Variants in ELMO1 observed in about 807,000 individuals in gnomAD.
ELMO1 encodes the protein engulfment and cell motility 1.
ELMO1 carries 26 observed loss-of-function variants against 98.9 expected under a neutral mutation model. The observed-to-expected ratio is 0.26, with a 90% CI of 0.19 to 0.36. The LOEUF (loss-of-function observed/expected upper bound fraction) is 0.36. Among genes scored for constraint, ELMO1 ranks in the 10% least tolerant of loss-of-function variants. The pLI is 1.00. For synonymous variants in ELMO1, 346 were observed against 346.0 expected, an observed-to-expected ratio of 1.00 and a Z score of 0.00; for missense variants, 627 against 935.2, an observed-to-expected ratio of 0.67 and a Z score of 4.30.
chr7:37,023,931 G>A (rs1421026569), intron 15 of ELMO1, among the ~76,000 whole-genome samples: 1 of 152,136 alleles, frequency 6.6e-6, no homozygotes, highest in Non-Finnish European at 1.5e-5. Context: ...GAAGGGTACT[G>A]CAGATGTCAA....
intron 16 of ELMO1, among the ~76,000 whole-genome samples, chr7:36,974,569 C>T (rs1790332934): frequency 6.6e-6 from 1 of 152,128 alleles, no homozygotes; most frequent in South Asian, 2.1e-4. Context: ...TTGTATCTAG[C>T]TCAGGGATTG....
At position 37,357,254 on chromosome 7, in the gene ELMO1, A is replaced by T. The variant is rs115050894; in HGVS notation, c.-73-14491T>A. Among the ~76,000 whole-genome samples the T allele has an allele frequency of 2.2e-3, 332 of 152,330 alleles. 1 individual carries two copies. Among genetic ancestry groups the T allele is most frequent in the African/African-American group, 7.5e-3 (313 of 41,562 alleles). On this transcript the variant is annotated intron_variant, in intron 1 of 21. Transcript: ENST00000310758. ...GGCTCCCATGTTATATAAAACTTAT[A>T]TTAAATAAATGTGTTATGCTTTTCG...
At chr7:37,161,227 C>G (rs1789181284) in intron 13 of ELMO1, among the ~76,000 whole-genome samples, 1 of 152,130 alleles carries the variant, frequency 6.6e-6, no homozygotes, top group Admixed American at 6.5e-5. Context: ...CCTGGCTCCC[C>G]TCAAGACATC....
chr7:37,075,475 C>T (rs144432394), intron 15 of ELMO1, among the ~76,000 whole-genome samples: 15 of 152,046 alleles, frequency 9.9e-5, no homozygotes, highest in South Asian at 8.3e-4. Context: ...ATATTTTAAA[C>T]GGAACATTAT....
At chr7:37,061,515 CT>C (rs1796666166) in intron 15 of ELMO1, among the ~76,000 whole-genome samples, 1 of 152,114 alleles carries the variant, frequency 6.6e-6, no homozygotes, top group Non-Finnish European at 1.5e-5. Context: ...CCCACCCGTC[CT>C]TTTTTCCGTC....
intron 1 of ELMO1, among the ~76,000 whole-genome samples, chr7:37,446,238 C>A (rs1379110591): frequency 6.6e-6 from 1 of 152,206 alleles, no homozygotes; most frequent in Non-Finnish European, 1.5e-5. Context: ...TGCTAAGAAT[C>A]CATCCAGGTT....
At chr7:37,162,498 C>T (rs1789293711) in intron 13 of ELMO1, among the ~76,000 whole-genome samples, 1 of 152,194 alleles carries the variant, frequency 6.6e-6, no homozygotes, top group Non-Finnish European at 1.5e-5. Context: ...ACGTCGTAAA[C>T]ATGCATTTTC....
chr7:37,120,691 C>T (rs75782277), intron 14 of ELMO1, among the ~76,000 whole-genome samples: 1 of 152,324 alleles, frequency 6.6e-6, no homozygotes, highest in African/African-American at 2.4e-5. Flanking sequence ...TAGACTCCAC[C>T]TCTGAGGGCA....
chr7:37,246,773 C>CAGAT (rs543282035), intron 6 of ELMO1, among the ~76,000 whole-genome samples: 28 of 151,756 alleles, frequency 1.8e-4, no homozygotes, highest in African/African-American at 5.1e-4. Flanking sequence ...GATGGAGAGA[C>CAGAT]AGATAGATAG....
chr7:37,024,647 A>C (rs1483433285), intron 15 of ELMO1, among the ~76,000 whole-genome samples: 1 of 152,044 alleles, frequency 6.6e-6, no homozygotes, highest in Non-Finnish European at 1.5e-5. Flanking sequence ...TGTCCCTGAG[A>C]CTCTTCTACT....
chr7:37,240,096 T>C (rs1462593513), intron 7 of ELMO1, among the ~76,000 whole-genome samples: 1 of 149,748 alleles, frequency 6.7e-6, no homozygotes. Context: ...TGAAGTGCAG[T>C]GGCATGATCT....
intron 16 of ELMO1, among the ~76,000 whole-genome samples, chr7:36,983,877 A>C (rs150976189): frequency 6.6e-6 from 1 of 152,210 alleles, no homozygotes; most frequent in East Asian, 1.9e-4. Context: ...ATGCGTTTTT[A>C]GGTGGGGGGA....
chr7:36,885,167 G>A (rs764154474), intron 18 of ELMO1, among the ~76,000 whole-genome samples: 13 of 152,088 alleles, frequency 8.5e-5, no homozygotes, highest in African/African-American at 2.2e-4. Context: ...TTCTGCACTC[G>A]GAAGGATGAT....
intron 13 of ELMO1, among the ~76,000 whole-genome samples, chr7:37,184,738 T>A (rs934817586): frequency 6.6e-6 from 1 of 151,732 alleles, no homozygotes; most frequent in Non-Finnish European, 1.5e-5. Context: ...CAAAACCCCA[T>A]CTCTACCCCC....
chr7:36,960,246 A>G (rs1008922004), intron 16 of ELMO1, among the ~76,000 whole-genome samples: 8 of 152,110 alleles, frequency 5.3e-5, no homozygotes, highest in African/African-American at 1.2e-4. Flanking sequence ...TAATTGGTCT[A>G]CTGTCAGTTG....
intron 7 of ELMO1, among the ~76,000 whole-genome samples, chr7:37,234,849 T>C (rs1257039524): frequency 1.3e-5 from 2 of 152,196 alleles, no homozygotes; most frequent in African/African-American, 4.8e-5. Flanking sequence ...TTTTAAAACG[T>C]GAATGAAGGA....
In ELMO1 at chr7:37,244,472, C is replaced by T. The variant is rs369655163; in HGVS notation, c.414-81G>A. The T allele has an allele frequency of 1.9e-5, 28 of 1,452,778 alleles. No homozygotes were observed. In the East Asian group the frequency reaches 4.6e-4, roughly 24 times the overall value. 90.0% of individuals were successfully genotyped at this position (1,452,778 alleles called of 1,614,324 possible). A position where few individuals can be genotyped will look rare whatever the true frequency, so the allele number is the denominator to read the frequency against. ...CACAAAGAACATATCTTGAAGAAAA[C>T]TCAGGATTAGATTTAGGACAGATTT... On this transcript the variant is annotated intron_variant, in intron 6 of 21. Transcript: ENST00000310758.
At chr7:37,195,140 AAC>A in intron 13 of ELMO1, among the ~76,000 whole-genome samples, 1 of 152,268 alleles carries the variant, frequency 6.6e-6, no homozygotes, top group East Asian at 1.9e-4. Context: ...CTAAGAATAC[AAC>A]ACACTCAGTT....
intron 16 of ELMO1, among the ~76,000 whole-genome samples, chr7:36,981,392 T>C (rs1791038195): frequency 6.6e-6 from 1 of 151,976 alleles, no homozygotes; most frequent in Non-Finnish European, 1.5e-5. Flanking sequence ...AGTGAAGATA[T>C]AGGATAATAT....
Sources: allele counts gnomAD v4.1 joint callset (sites outside exome capture counted in the v4.1 genomes callset), GRCh38; gene constraint gnomAD v4.1.1; transcripts MANE v1.5; gene names NCBI Gene and HGNC (gene_info 2026-07-23, HGNC 2026-07-21).